The following ALPK1 variants were observed in gnomAD, a reference collection of about 807,000 sequenced individuals.
ALPK1 encodes alpha kinase 1, also known as alpha-protein kinase 1.
In ALPK1, 110 loss-of-function variants were observed where a neutral mutation model predicts 120.6. The observed-to-expected ratio is 0.91, with a 90% CI of 0.78 to 1.07. The LOEUF is 1.07. ALPK1 is among the 50% of genes least tolerant of loss of function. The probability of loss-of-function intolerance (pLI) is 0.00; values close to 1 mark genes in which losing one functional copy is unlikely to be tolerated. For synonymous variants in ALPK1, 582 were observed against 560.3 expected, an observed-to-expected ratio of 1.04 and a Z score of -0.55; for missense variants, 1,498 against 1,483.9, an observed-to-expected ratio of 1.01 and a Z score of -0.16.
intron 2 of ALPK1, among the ~76,000 whole-genome samples, chr4:112,373,123 C>T (rs1731490926): frequency 6.6e-6 from 1 of 152,190 alleles, no homozygotes; most frequent in Non-Finnish European, 1.5e-5. Context: ...TCTTCTAAAC[C>T]ACCAAATGTA....
At chr4:112,413,271 CAAG>C (rs1733574428) in intron 5 of ALPK1, among the ~76,000 whole-genome samples, 1 of 152,152 alleles carries the variant, frequency 6.6e-6, no homozygotes, top group African/African-American at 2.4e-5. Flanking sequence ...TGGTTCTCAT[CAAG>C]AAGAGCTTGG....
chr4:112,308,707 C>T lies in ALPK1; in HGVS notation c.-152-7094C>T, dbSNP rs567088832. ...AATGGGTTCGAACTTCCTCCTTTAG[C>T]TCAGAAAAGTTTGATCGTCTGAAGC... is the stretch of plus-strand genomic sequence containing the variant. On this transcript the variant is annotated intron_variant, in intron 1 of 15. Transcript: ENST00000650871. Among the ~76,000 whole-genome samples, 29 of 152,124 alleles carry T rather than the reference C, an allele frequency of 1.9e-4. 1 individual carries two copies. The highest frequency in any genetic ancestry group is 1.0e-3 in the Admixed American group (16 of 15,274).
chr4:112,327,262 T>G (rs1407442339), intron 2 of ALPK1, among the ~76,000 whole-genome samples: 1 of 152,222 alleles, frequency 6.6e-6, no homozygotes, highest in Non-Finnish European at 1.5e-5. Context: ...CTGCATCACC[T>G]CTTGTAGCCT....
Position 112,430,726 on chromosome 4 carries a change from C to G in ALPK1, c.1179C>G (p.Ser393Arg). ...CAATGGGGAAGCTGTACAATTTCAGCACTTCCTCCAGAAGTCAGGACAGAG... is the reference window on the plus strand; with the variant it reads ...CAATGGGGAAGCTGTACAATTTCAGGACTTCCTCCAGAAGTCAGGACAGAG... ...KEAMGKLYNF[S>R]TSSRSQDREA... The change falls in exon 11 of 16, where the codon AGC (serine) becomes AGG (arginine). Residue 393 changes from serine to arginine, a missense_variant. Coordinates refer to ENST00000650871, the MANE Select transcript of ALPK1 (RefSeq NM_025144.4). The G allele has an allele frequency of 6.2e-7, 1 of 1,614,208 alleles. No homozygotes were observed. The highest frequency in any genetic ancestry group is 8.5e-7 in the Non-Finnish European group (1 of 1,180,042).
intron 2 of ALPK1, chr4:112,357,903 A>T: frequency 8.8e-7 from 1 of 1,139,280 alleles, no homozygotes; most frequent in Non-Finnish European, 1.3e-6. Context: ...CCAGGAGCAA[A>T]GGCAGCTTCT....
Position 112,435,159 on chromosome 4 carries a change from T to C in ALPK1, c.3046T>C (p.Leu1016=), listed in dbSNP as rs1422717705. ...QLHRAHSALL[L]KYSKKSELWT... is the part of the protein sequence containing the mutation. ...TTTTTTTTTCCCAGGTGCTCTTTTG[T>C]TAAAATATTCAAAAAAATCTGAACT... Residue 1016 remains leucine, a synonymous_variant, in exon 12 of 16, where the codon TTA becomes CTA. Coordinates refer to ENST00000650871, the MANE Select transcript of ALPK1 (RefSeq NM_025144.4). 3.1e-6 allele frequency: 5 copies of C among 1,603,242 alleles called. No individual in the cohort carries two copies. The highest frequency in any genetic ancestry group is 2.5e-6 in the Non-Finnish European group (3 of 1,177,530).
chr4:112,440,920 G>A lies in ALPK1; in HGVS notation c.3542G>A (p.Trp1181Ter). 6.2e-7 allele frequency: 1 copy of A among 1,608,692 alleles called. No individual in the cohort carries two copies. The highest frequency in any genetic ancestry group is 1.1e-5 in the South Asian group (1 of 90,238). Residue 1181 changes from tryptophan (W) to a stop codon, truncating the protein, a stop_gained, in exon 15 of 16, where the codon TGG becomes TAG. Transcript: ENST00000650871. LOFTEE classifies it high-confidence loss of function. ...GGTGTGTTCATTTCTCTTTTAGGTT[G>A]GGTAACCGGTAATGGAAAAGGACTC... ...HRDVVVDLQG[W>*]VTGNGKGLIY... is the part of the protein sequence containing the mutation.
intron 2 of ALPK1, chr4:112,356,626 A>C: frequency 1.3e-6 from 1 of 790,472 alleles, no homozygotes; most frequent in Non-Finnish European, 2.2e-6. Flanking sequence ...TGCCGCAAGA[A>C]GATGGCAAGT....
At chr4:112,300,464 T>C (rs1157332702) in intron 1 of ALPK1, among the ~76,000 whole-genome samples, 1 of 152,014 alleles carries the variant, frequency 6.6e-6, no homozygotes, top group African/African-American at 2.4e-5. Context: ...AATAAAACTA[T>C]GCAGCTTTGG....
At chr4:112,325,254 G>A (rs1046935954) in intron 2 of ALPK1, among the ~76,000 whole-genome samples, 27 of 152,232 alleles carry the variant, frequency 1.8e-4, no homozygotes, top group African/African-American at 6.0e-4. Flanking sequence ...CTTTTGGCAC[G>A]TACCAAATTT....
At chr4:112,308,894 C>A (rs1728256372) in intron 1 of ALPK1, among the ~76,000 whole-genome samples, 1 of 152,058 alleles carries the variant, frequency 6.6e-6, no homozygotes, top group African/African-American at 2.4e-5. Flanking sequence ...TACCTTTGGT[C>A]TTTGATGATG....
Position 112,432,524 on chromosome 4 carries a change from T to C in ALPK1, c.2977T>C (p.Phe993Leu). The C allele has an allele frequency of 6.2e-7, 1 of 1,614,152 alleles. No homozygotes were observed. ...LLAGVRHDWL[F>L]QRLENTGVFK... ...GGCAGGAGTGAGGCATGATTGGCTG[T>C]TTCAGAGACTAGAGAATACGGGGGT... The change falls in exon 11 of 16, where the codon TTT (phenylalanine) becomes CTT (leucine). Residue 993 changes from phenylalanine to leucine, a missense_variant. By Grantham distance (22) the Phe-to-Leu change is conservative. Transcript: ENST00000650871.
chr4:112,325,548 C>T (rs2882659), intron 2 of ALPK1, among the ~76,000 whole-genome samples: 54,559 of 152,038 alleles, frequency 0.36, 10,191 homozygotes, highest in Middle Eastern at 0.48. Flanking sequence ...AGTTCACATT[C>T]ACATTGATAA....
intron 1 of ALPK1, among the ~76,000 whole-genome samples, chr4:112,307,851 T>C (rs1027534789): frequency 6.6e-6 from 1 of 152,160 alleles, no homozygotes; most frequent in African/African-American, 2.4e-5. Context: ...ATTGATGGTC[T>C]TTACAATTTG....
chr4:112,398,706 A>G (rs6814537), intron 4 of ALPK1, among the ~76,000 whole-genome samples: 15,868 of 152,110 alleles, frequency 0.1, 1,043 homozygotes, highest in African/African-American at 0.19. Flanking sequence ...TTGCTGTGTA[A>G]GGGAGAGGAA....
intron 2 of ALPK1, among the ~76,000 whole-genome samples, chr4:112,349,036 T>C (rs2148709793): frequency 6.6e-6 from 1 of 152,194 alleles, no homozygotes; most frequent in Admixed American, 6.5e-5. Flanking sequence ...TTAAACCAAG[T>C]TGGCTGGATG....
intron 2 of ALPK1, among the ~76,000 whole-genome samples, chr4:112,349,904 C>T (rs1436496603): frequency 2.0e-5 from 3 of 152,144 alleles, no homozygotes; most frequent in Non-Finnish European, 4.4e-5. Flanking sequence ...AGCAGAAATT[C>T]TCAAGTATCT....
chr4:112,421,453 T>C (rs914612643), intron 5 of ALPK1, among the ~76,000 whole-genome samples: 1 of 152,190 alleles, frequency 6.6e-6, no homozygotes, highest in African/African-American at 2.4e-5. Context: ...ATCTTGACCC[T>C]AAGGTCACAT....
chr4:112,346,818 C>T (rs1443617888), intron 2 of ALPK1, among the ~76,000 whole-genome samples: 3 of 152,218 alleles, frequency 2.0e-5, no homozygotes, highest in South Asian at 2.1e-4. Context: ...AAGCTTCCTA[C>T]CAGCAAAAAT....
Sources: gnomAD v4.1 joint callset for allele counts (sites outside exome capture counted in the v4.1 genomes callset) on GRCh38, gnomAD v4.1.1 for gene constraint, MANE v1.5 for transcripts, NCBI Gene and HGNC (gene_info 2026-07-23, HGNC 2026-07-21) for gene names.